The following PRKN variants were observed in gnomAD, a reference collection of about 807,000 sequenced individuals.
PRKN encodes parkin RBR E3 ubiquitin protein ligase, also known as E3 ubiquitin-protein ligase parkin.
A neutral mutation model predicts 59.5 loss-of-function variants in PRKN; 56 were observed. The ratio of observed to expected loss-of-function variants is 0.94; its 90% CI spans 0.76 to 1.18. The LOEUF is 1.18. Ranked by LOEUF, PRKN falls within the 50% of genes most tolerant of loss-of-function variation. The pLI is 0.00. For synonymous variants in PRKN, 250 were observed against 222.1 expected, an observed-to-expected ratio of 1.13 and a Z score of -1.12; for missense variants, 657 against 596.4, an observed-to-expected ratio of 1.10 and a Z score of -1.06.
intron 4 of PRKN, among the ~76,000 whole-genome samples, chr6:162,181,123 G>C (rs1783785595): frequency 6.6e-6 from 1 of 152,206 alleles, no homozygotes; most frequent in African/African-American, 2.4e-5. Flanking sequence ...CTGTGGAGGG[G>C]AGTGGGCTGA....
intron 2 of PRKN, among the ~76,000 whole-genome samples, chr6:162,383,006 C>A (rs1332159995): frequency 6.6e-6 from 1 of 152,166 alleles, no homozygotes; most frequent in African/African-American, 2.4e-5. Flanking sequence ...TTGGTCACAT[C>A]TTCAGGCTCC....
chr6:162,246,972 C>G (rs540000251), intron 3 of PRKN, among the ~76,000 whole-genome samples: 60 of 151,996 alleles, frequency 3.9e-4, no homozygotes, highest in Non-Finnish European at 7.4e-4. Context: ...CAATGATAAA[C>G]AGACATAATA....
chr6:162,685,661 A>G (rs1239890438), intron 1 of PRKN, among the ~76,000 whole-genome samples: 2 of 152,206 alleles, frequency 1.3e-5, no homozygotes, highest in Admixed American at 6.5e-5. Context: ...TAAAAGTTAA[A>G]TTCAGTGACT....
chr6:161,582,485 G>T lies in PRKN; in HGVS notation c.872-13069C>A, dbSNP rs1781376055. On this transcript the variant is annotated intron_variant, in intron 7 of 11. Transcript: ENST00000366898. This position sits in a 1 kb window ranked among gnomAD's most constrained non-coding sequence, Gnocchi z 4.4. ...TCTGTCGCCTAGGCTGGAGTGCAGT[G>T]GCGCGATCTAGGCTCACTGCAAGCT... 6.6e-6 allele frequency among the ~76,000 whole-genome samples: 1 copy of T among 151,670 alleles called. No homozygotes were observed. Among genetic ancestry groups the T allele is most frequent in the Admixed American group, 6.6e-5 (1 of 15,224 alleles).
chr6:162,287,266 A>G (rs189564427), intron 2 of PRKN, among the ~76,000 whole-genome samples: 229 of 152,274 alleles, frequency 1.5e-3, no homozygotes, highest in Admixed American at 3.3e-3. Context: ...ATGTCTCCCT[A>G]TAAAAATTCA....
intron 5 of PRKN, among the ~76,000 whole-genome samples, chr6:162,051,610 G>A (rs187527091): frequency 1.3e-5 from 2 of 152,210 alleles, no homozygotes. Flanking sequence ...CCATGCCAAG[G>A]GCCACAGAGT....
At chr6:162,343,279 A>T (rs954223161) in intron 2 of PRKN, among the ~76,000 whole-genome samples, 17 of 152,192 alleles carry the variant, frequency 1.1e-4, no homozygotes, top group African/African-American at 2.9e-4. Flanking sequence ...TAATATTTTT[A>T]AAATGATAAT....
At chr6:162,161,832 C>T (rs1435907478) in intron 4 of PRKN, among the ~76,000 whole-genome samples, 2 of 152,128 alleles carry the variant, frequency 1.3e-5, no homozygotes, top group Non-Finnish European at 2.9e-5. Flanking sequence ...AGAGAGACCA[C>T]ATTAACATAA....
intron 2 of PRKN, among the ~76,000 whole-genome samples, chr6:162,337,217 C>G (rs1169391957): frequency 6.6e-6 from 1 of 152,114 alleles, no homozygotes; most frequent in South Asian, 2.1e-4. Flanking sequence ...CCTAATTAAG[C>G]AAGAGGATTT....
chr6:162,307,961 G>C (rs1782307819), intron 2 of PRKN, among the ~76,000 whole-genome samples: 1 of 152,190 alleles, frequency 6.6e-6, no homozygotes, highest in South Asian at 2.1e-4. Context: ...TGTCAAGCTG[G>C]TCATTGTGTG....
chr6:162,662,676 G>C (rs1197357488), intron 1 of PRKN, among the ~76,000 whole-genome samples: 1 of 152,106 alleles, frequency 6.6e-6, no homozygotes, highest in Non-Finnish European at 1.5e-5. Flanking sequence ...TTATTGAATA[G>C]GGTGTCCTTT....
Position 162,111,389 on chromosome 6 carries a change from T to C in PRKN, c.535-57215A>G, listed in dbSNP as rs979532940. Among the ~76,000 whole-genome samples, 15 of 152,066 alleles carry C rather than the reference T, an allele frequency of 9.9e-5. No individual in the cohort carries two copies. In the South Asian group the frequency reaches 1.9e-3, roughly 19 times the overall value. Reference sequence around the variant, plus strand: ...CTGAGGCAGGAGAATGGTGTGAACCTGGGAGGCAGAGCTTGCAGTGAGCCG... The same window carrying C: ...CTGAGGCAGGAGAATGGTGTGAACCCGGGAGGCAGAGCTTGCAGTGAGCCG... On this transcript the variant is annotated intron_variant, in intron 4 of 11. Coordinates refer to ENST00000366898, the MANE Select transcript of PRKN (RefSeq NM_004562.3).
At chr6:161,365,028 C>T (rs928058638) in intron 10 of PRKN, among the ~76,000 whole-genome samples, 1 of 151,782 alleles carries the variant, frequency 6.6e-6, no homozygotes, top group Non-Finnish European at 1.5e-5. Context: ...ATGATTCAGG[C>T]AGAGGGTCCT....
intron 6 of PRKN, among the ~76,000 whole-genome samples, chr6:161,817,499 T>A (rs1051672543): frequency 1.8e-4 from 27 of 152,220 alleles, no homozygotes; most frequent in African/African-American, 5.5e-4. Context: ...CCTGTTAAAA[T>A]GATTCCCTTT....
At chr6:161,863,275 G>C (rs1793979845) in intron 6 of PRKN, among the ~76,000 whole-genome samples, 2 of 150,876 alleles carry the variant, frequency 1.3e-5, no homozygotes, top group African/African-American at 4.9e-5. Context: ...TTTTCTGTTT[G>C]TCATTCCCTT....
intron 9 of PRKN, among the ~76,000 whole-genome samples, chr6:161,500,073 T>C (rs1777901665): frequency 6.6e-6 from 1 of 152,238 alleles, no homozygotes; most frequent in African/African-American, 2.4e-5. Context: ...AGTTGAAATG[T>C]TAATGAAAAT....
chr6:162,308,206 C>A (rs376113995), intron 2 of PRKN, among the ~76,000 whole-genome samples: 100 of 152,060 alleles, frequency 6.6e-4, no homozygotes, highest in South Asian at 2.5e-3. Flanking sequence ...ATTTCCTGAT[C>A]GATGAAATGC....
At chr6:162,213,370 C>T (rs983203154) in intron 3 of PRKN, among the ~76,000 whole-genome samples, 2 of 152,042 alleles carry the variant, frequency 1.3e-5, no homozygotes, top group African/African-American at 2.4e-5. Context: ...AGATGTATTC[C>T]GAAACACCGT....
intron 1 of PRKN, among the ~76,000 whole-genome samples, chr6:162,494,878 A>G (rs1228800993): frequency 2.0e-5 from 3 of 152,218 alleles, no homozygotes; most frequent in African/African-American, 7.2e-5. Context: ...CTCTAAACCT[A>G]AGAGAATCTA....
Sources: gnomAD v4.1 joint callset for allele counts (sites outside exome capture counted in the v4.1 genomes callset) on GRCh38, gnomAD v4.1.1 for gene constraint, Gnocchi (gnomAD v3.1) non-coding constraint, MANE v1.5 for transcripts, NCBI Gene and HGNC (gene_info 2026-07-23, HGNC 2026-07-21) for gene names.